The following MDGA1 variants were observed in gnomAD, a reference collection of about 807,000 sequenced individuals.
The protein encoded by MDGA1 is MAM domain containing glycosylphosphatidylinositol anchor 1.
MDGA1 carries 54 observed loss-of-function variants against 101.5 expected under a neutral mutation model. The observed-to-expected ratio is 0.53, with a 90% CI of 0.43 to 0.67. The LOEUF is 0.67. Among genes scored for constraint, MDGA1 ranks in the 30% least tolerant of loss-of-function variants. The probability of loss-of-function intolerance (pLI) is 0.00; values close to 1 mark genes in which losing one functional copy is unlikely to be tolerated. For missense variants in MDGA1, 1,083 were observed against 1,323.8 expected, an observed-to-expected ratio of 0.82 and a Z score of 2.82; for synonymous variants, 533 against 558.3, an observed-to-expected ratio of 0.95 and a Z score of 0.64.
chr6:37,644,288 G>A (rs992125783), intron 13 of MDGA1, among the ~76,000 whole-genome samples: 1 of 151,950 alleles, frequency 6.6e-6, no homozygotes, highest in African/African-American at 2.4e-5. Context: ...CTCAGACTGG[G>A]GCTCCCTGAG....
chr6:37,683,724 G>C (rs553621825), intron 1 of MDGA1, among the ~76,000 whole-genome samples: 11 of 152,362 alleles, frequency 7.2e-5, no homozygotes, highest in Non-Finnish European at 1.5e-4. Flanking sequence ...GTTCCCCCAA[G>C]GGACACCGAT....
chr6:37,647,285 T>A lies in MDGA1; in HGVS notation c.1934A>T (p.Asn645Ile). The A allele has an allele frequency of 6.4e-7, 1 of 1,554,484 alleles. No homozygotes were observed. Among genetic ancestry groups the A allele is most frequent in the Non-Finnish European group, 8.7e-7 (1 of 1,149,156 alleles). Residue 645 changes from asparagine to isoleucine, a missense_variant, in exon 10 of 17, where the codon AAC becomes ATC. Physicochemically the swap from Asn to Ile is moderately radical, Grantham distance 149. Transcript: ENST00000434837. ...YSPEFYFDTP[N>I]PTRSHKLSKN... is the part of the protein sequence containing the mutation. ...GGACAGCTTGTGGCTGCGGGTGGGG[T>A]TGGGGGTGTCGAAGTAAAACTCCGG...
At chr6:37,685,889 G>T (rs545633792) in intron 1 of MDGA1, among the ~76,000 whole-genome samples, 1 of 152,112 alleles carries the variant, frequency 6.6e-6, no homozygotes, top group Admixed American at 6.5e-5. Context: ...GCAGAGTGGG[G>T]CGAGGTGAGG....
intron 1 of MDGA1, among the ~76,000 whole-genome samples, chr6:37,669,299 C>T (rs1761821309): frequency 6.6e-6 from 1 of 152,164 alleles, no homozygotes; most frequent in Non-Finnish European, 1.5e-5. Context: ...TTCTAAATTA[C>T]ACCTCAGTTT....
intron 1 of MDGA1, among the ~76,000 whole-genome samples, chr6:37,683,530 G>A (rs1385480279): frequency 1.3e-5 from 2 of 152,216 alleles, no homozygotes; most frequent in African/African-American, 4.8e-5. Context: ...CTCTCTGCCT[G>A]AGGGCCATCT....
At position 37,632,642 on chromosome 6, in the gene MDGA1, A is replaced by C. The variant is rs1317057104; in HGVS notation, c.*4726T>G. The C allele has an allele frequency of 6.6e-6, 1 of 152,646 alleles. No homozygotes were observed. Among genetic ancestry groups the C allele is most frequent in the African/African-American group, 2.4e-5 (1 of 41,430 alleles). The allele number at this position is 152,646 out of a possible 1,614,324, so 9.5% of individuals were successfully genotyped here. On this transcript the variant is annotated 3_prime_UTR_variant, in exon 17 of 17. Transcript: ENST00000434837. The stretch of plus-strand genomic sequence containing the variant: ...CTGGGGTGGAGACAGACAGCAAGGC[A>C]AAGGGGTGAGGATGGGGCTGTGTGA...
At chr6:37,695,353 G>A (rs1160713993) in intron 1 of MDGA1, among the ~76,000 whole-genome samples, 1 of 152,140 alleles carries the variant, frequency 6.6e-6, no homozygotes, top group Admixed American at 6.5e-5. Context: ...TGGCCTCCTC[G>A]CCCCAAACCC....
chr6:37,694,770 C>T (rs1466421210), intron 1 of MDGA1, among the ~76,000 whole-genome samples: 1 of 152,276 alleles, frequency 6.6e-6, no homozygotes, highest in South Asian at 2.1e-4. Flanking sequence ...GCCAAGCTCT[C>T]AAAGGAAAAG....
intron 1 of MDGA1, among the ~76,000 whole-genome samples, chr6:37,681,154 C>T (rs1176626421): frequency 6.6e-6 from 1 of 152,246 alleles, no homozygotes; most frequent in Non-Finnish European, 1.5e-5. Context: ...GAGGGAAACA[C>T]TTTCCTCTGT....
At chr6:37,693,205 A>G (rs1762350117) in intron 1 of MDGA1, among the ~76,000 whole-genome samples, 1 of 152,216 alleles carries the variant, frequency 6.6e-6, no homozygotes, top group African/African-American at 2.4e-5. Context: ...CCAAAGTTTC[A>G]AGGCATGGGG....
intron 8 of MDGA1, chr6:37,649,870 A>ATTTTTTTTTT: frequency 3.1e-6 from 2 of 635,420 alleles, no homozygotes; most frequent in Admixed American, 2.2e-5. Flanking sequence ...AAATCAAGTA[A>ATTTTTTTTTT]TTTTTTTTTT....
chr6:37,645,800 A>C, intron 12 of MDGA1, 133 bp downstream of exon 12: 3 of 1,052,968 alleles, frequency 2.8e-6, no homozygotes, highest in Non-Finnish European at 2.9e-6. Flanking sequence ...CTCTGGCCCT[A>C]CCCCATGGAA....
At chr6:37,676,580 C>A (rs1346701576) in intron 1 of MDGA1, among the ~76,000 whole-genome samples, 1 of 152,198 alleles carries the variant, frequency 6.6e-6, no homozygotes, top group African/African-American at 2.4e-5. Context: ...GCAGGGGAGT[C>A]CTTTCCACAG....
At chr6:37,680,512 G>A (rs1762070756) in intron 1 of MDGA1, among the ~76,000 whole-genome samples, 1 of 152,272 alleles carries the variant, frequency 6.6e-6, no homozygotes, top group East Asian at 1.9e-4. Flanking sequence ...ACCCTGCAAG[G>A]ACTAGACACC....
chr6:37,680,091 C>T (rs908320838), intron 1 of MDGA1, among the ~76,000 whole-genome samples: 2 of 152,194 alleles, frequency 1.3e-5, no homozygotes, highest in Admixed American at 1.3e-4. Context: ...GTTACTGACA[C>T]CTCAGTGTGA....
chr6:37,641,189 AG>A (rs1764067829), intron 14 of MDGA1, among the ~76,000 whole-genome samples: 1 of 152,180 alleles, frequency 6.6e-6, no homozygotes, highest in Non-Finnish European at 1.5e-5. Context: ...CATCCCAGGC[AG>A]GTAACATTTG....
chr6:37,649,235 GT>G lies in MDGA1; in HGVS notation c.1640del (p.Asp547AlafsTer59), dbSNP rs1397394135. On this transcript the variant is annotated frameshift_variant, in exon 9 of 17. Transcript: ENST00000434837. LOFTEE classifies it high-confidence loss of function. ...FPPEVEPSSQ[D>X]VRQALGRPVL... ...CGGGCCGGCCCAGCGCCTGGCGCAC[GT>G]CCTGGGAACTGGGCTCCACCTCCGG... The G allele has an allele frequency of 2.0e-6, 3 of 1,508,302 alleles. No homozygotes were observed. The highest frequency in any genetic ancestry group is 1.8e-6 in the Non-Finnish European group (2 of 1,136,540). The allele number at this position is 1,508,302 out of a possible 1,614,324, so 93.4% of individuals were successfully genotyped here. A position where few individuals can be genotyped will look rare whatever the true frequency, so the allele number is the denominator to read the frequency against.
In MDGA1 at chr6:37,652,399, TC is replaced by T; in HGVS notation, c.983-60del. ...GTTGGCCTGACTCCAGGGGTCCATGTCCCACCCCAACCCAGACCCAGCTTCT... is the reference window on the plus strand; with the variant it reads ...GTTGGCCTGACTCCAGGGGTCCATGTCCACCCCAACCCAGACCCAGCTTCT... On this transcript the variant is annotated intron_variant, in intron 6 of 16. Transcript: ENST00000434837. This position sits in a 1 kb window ranked among gnomAD's most constrained non-coding sequence, Gnocchi z 4.3. 7.2e-7 allele frequency: 1 copy of T among 1,387,648 alleles called. No individual in the cohort carries two copies. The highest frequency in any genetic ancestry group is 9.8e-7 in the Non-Finnish European group (1 of 1,017,836). 86.0% of individuals were successfully genotyped at this position (1,387,648 alleles called of 1,614,324 possible).
chr6:37,666,366 A>G (rs1338632314), intron 1 of MDGA1, among the ~76,000 whole-genome samples: 1 of 151,804 alleles, frequency 6.6e-6, no homozygotes, highest in African/African-American at 2.4e-5. Flanking sequence ...TCTCAAAAAA[A>G]AAAAAAAAGA....
Sources: gnomAD v4.1 joint callset for allele counts (sites outside exome capture counted in the v4.1 genomes callset) on GRCh38, gnomAD v4.1.1 for gene constraint, Gnocchi (gnomAD v3.1) non-coding constraint, MANE v1.5 for transcripts, NCBI Gene and HGNC (gene_info 2026-07-23, HGNC 2026-07-21) for gene names.